The following P4HA1 variants were observed in gnomAD, a reference collection of about 807,000 sequenced individuals.
The protein encoded by P4HA1 is prolyl 4-hydroxylase subunit alpha-1.
A neutral mutation model predicts 72.8 loss-of-function variants in P4HA1; 24 were observed. That is an observed-to-expected ratio of 0.33 (90% confidence interval 0.24 to 0.46). The LOEUF (loss-of-function observed/expected upper bound fraction) is 0.46. Among genes scored for constraint, P4HA1 ranks in the 20% least tolerant of loss-of-function variants. The pLI is 1.00. For synonymous variants in P4HA1, 201 were observed against 218.8 expected (o/e 0.92, Z 0.72); for missense variants, 446 against 640.6 (o/e 0.70, Z 3.28).
chr10:73,091,947 A>G (rs1217074436), intron 1 of P4HA1, among the ~76,000 whole-genome samples: 1 of 152,190 alleles, frequency 6.6e-6, no homozygotes, highest in Non-Finnish European at 1.5e-5. Context: ...CCTCCTAAAA[A>G]ATGGATTATT....
At chr10:73,073,632 C>T in intron 3 of P4HA1, 99 bp downstream of exon 3, 2 of 700,230 alleles carry the variant, frequency 2.9e-6, no homozygotes, top group Non-Finnish European at 2.6e-6. Context: ...CTTTGTAAGA[C>T]TCAAAAATGG....
intron 10 of P4HA1, among the ~76,000 whole-genome samples, chr10:73,017,724 T>C (rs954930267): frequency 1.3e-5 from 2 of 152,204 alleles, no homozygotes; most frequent in East Asian, 1.9e-4. Flanking sequence ...CTTACGACAA[T>C]GTCCCAGTGT....
intron 10 of P4HA1, among the ~76,000 whole-genome samples, chr10:73,019,807 C>CA (rs1840094334): frequency 6.9e-6 from 1 of 144,536 alleles, no homozygotes; most frequent in Admixed American, 6.9e-5. Flanking sequence ...CTTGATTAAG[C>CA]AAAACAATCT....
chr10:73,023,409 A>G (rs1459215498), intron 10 of P4HA1, among the ~76,000 whole-genome samples: 1 of 152,162 alleles, frequency 6.6e-6, no homozygotes, highest in Non-Finnish European at 1.5e-5. Flanking sequence ...CTTTCTAAAT[A>G]AAGGAGAAAT....
At chr10:73,065,834 T>C (rs1795098703) in intron 5 of P4HA1, among the ~76,000 whole-genome samples, 1 of 152,134 alleles carries the variant, frequency 6.6e-6, no homozygotes. Context: ...AATCTAAATG[T>C]ACATCCATCC....
At chr10:73,037,850 A>C (rs1840635245) in intron 9 of P4HA1, among the ~76,000 whole-genome samples, 1 of 151,882 alleles carries the variant, frequency 6.6e-6, no homozygotes, top group South Asian at 2.1e-4. Context: ...AAAAATAAAA[A>C]AGCTGAACCA....
At chr10:73,060,688 C>A (rs72812263) in intron 5 of P4HA1, among the ~76,000 whole-genome samples, 2,135 of 152,252 alleles carry the variant, frequency 0.014, 29 homozygotes, top group Middle Eastern at 0.038. Context: ...AAGGAAGTTT[C>A]CTCTCTATCA....
At chr10:73,064,287 T>C (rs11000510) in intron 5 of P4HA1, among the ~76,000 whole-genome samples, 24,301 of 151,860 alleles carry the variant, frequency 0.16, 3,225 homozygotes, top group African/African-American at 0.34. Flanking sequence ...CCAGCCTGGA[T>C]AACATGGCAA....
intron 13 of P4HA1, among the ~76,000 whole-genome samples, chr10:73,010,248 G>A (rs1323784267): frequency 1.3e-5 from 2 of 152,096 alleles, no homozygotes; most frequent in Non-Finnish European, 1.5e-5. Flanking sequence ...GATTACAGAC[G>A]TGAGCCACCG....
intron 4 of P4HA1, among the ~76,000 whole-genome samples, chr10:73,070,792 T>C (rs992383518): frequency 6.6e-6 from 1 of 152,204 alleles, no homozygotes; most frequent in Non-Finnish European, 1.5e-5. Flanking sequence ...CATTATAGAA[T>C]GACTACTACA....
chr10:73,022,019 C>CA (rs1451795796), intron 10 of P4HA1, among the ~76,000 whole-genome samples: 1 of 152,234 alleles, frequency 6.6e-6, no homozygotes, highest in East Asian at 1.9e-4. Flanking sequence ...CACCACAGCT[C>CA]AGCAAGGCCT....
At chr10:73,025,368 CAT>C (rs1167812215) in intron 10 of P4HA1, among the ~76,000 whole-genome samples, 8 of 152,186 alleles carry the variant, frequency 5.3e-5, no homozygotes, top group African/African-American at 9.7e-5. Context: ...ACAAAAACCA[CAT>C]GATTATCTCA....
intron 9 of P4HA1, among the ~76,000 whole-genome samples, chr10:73,040,410 A>G (rs1348217454): frequency 6.6e-6 from 1 of 152,056 alleles, no homozygotes; most frequent in Admixed American, 6.6e-5. Context: ...TATTTCTTCA[A>G]AAGGGTCATT....
intron 13 of P4HA1, among the ~76,000 whole-genome samples, 157 bp downstream of exon 13, chr10:73,010,812 T>G (rs1163257898): frequency 1.3e-5 from 2 of 152,036 alleles, no homozygotes; most frequent in Admixed American, 1.3e-4. Flanking sequence ...GAGCCATGTT[T>G]ATACTGCTGG....
chr10:73,043,579 A>G (rs1018000122), intron 9 of P4HA1, among the ~76,000 whole-genome samples: 1 of 152,196 alleles, frequency 6.6e-6, no homozygotes, highest in Non-Finnish European at 1.5e-5. Flanking sequence ...CAGAGTCCAA[A>G]AGAGGCCTTG....
chr10:73,058,960 T>C (rs1304364674), intron 5 of P4HA1, among the ~76,000 whole-genome samples: 1 of 151,854 alleles, frequency 6.6e-6, no homozygotes, highest in African/African-American at 2.4e-5. Flanking sequence ...GTATTTTTAG[T>C]AGGGATGGTG....
intron 9 of P4HA1, among the ~76,000 whole-genome samples, chr10:73,032,618 G>C (rs1019745554): frequency 6.6e-6 from 1 of 152,164 alleles, no homozygotes; most frequent in African/African-American, 2.4e-5. Flanking sequence ...AGGCTAGTGC[G>C]TATGCTCTTC....
chr10:73,058,298 T>C (rs1024801442), intron 5 of P4HA1, among the ~76,000 whole-genome samples: 1 of 152,112 alleles, frequency 6.6e-6, no homozygotes, highest in South Asian at 2.1e-4. Context: ...TAATCTACCA[T>C]GTTCACTTTT....
intron 10 of P4HA1, among the ~76,000 whole-genome samples, chr10:73,028,341 CACACAA>C (rs1258585795): frequency 6.7e-6 from 1 of 148,350 alleles, no homozygotes; most frequent in African/African-American, 2.6e-5. Flanking sequence ...CACACACACA[CACACAA>C]AATACATTTT....
Sources: gnomAD v4.1 joint callset for allele counts (sites outside exome capture counted in the v4.1 genomes callset) on GRCh38, gnomAD v4.1.1 for gene constraint, MANE v1.5 for transcripts, NCBI Gene and HGNC (gene_info 2026-07-23, HGNC 2026-07-21) for gene names.